Variants in LIMA1 observed in about 807,000 individuals in gnomAD.
LIMA1 encodes LIM domain and actin-binding protein 1.
In LIMA1, 52 loss-of-function variants were observed where a neutral mutation model predicts 62.6. That is an observed-to-expected ratio of 0.83 (90% confidence interval 0.67 to 1.05). LIMA1 has a LOEUF of 1.05. LIMA1 is among the 50% of genes least tolerant of loss of function. LIMA1 has a pLI of 0.00. For synonymous variants in LIMA1, 302 were observed against 317.8 expected (o/e 0.95, Z 0.53); for missense variants, 780 against 902.2 (o/e 0.86, Z 1.74).
intron 6 of LIMA1, among the ~76,000 whole-genome samples, chr12:50,202,676 C>A (rs1245590222): frequency 6.6e-6 from 1 of 152,120 alleles, no homozygotes; most frequent in Non-Finnish European, 1.5e-5. Flanking sequence ...AGTTAAAAAA[C>A]CAAGATGAAA....
At chr12:50,253,184 A>G (rs1050438191) in intron 1 of LIMA1, among the ~76,000 whole-genome samples, 1 of 145,496 alleles carries the variant, frequency 6.9e-6, no homozygotes, top group Non-Finnish European at 1.5e-5. Flanking sequence ...TGATTTACAC[A>G]TGTTGAGACA....
At chr12:50,220,571 G>A (rs1243144096) in intron 4 of LIMA1, 1 of 152,178 alleles carries the variant, frequency 6.6e-6, no homozygotes, top group East Asian at 1.9e-4. Flanking sequence ...AATCTACATT[G>A]TGTGTACTGG....
At chr12:50,194,902 G>T (rs1309013736) in intron 8 of LIMA1, among the ~76,000 whole-genome samples, 5 of 152,066 alleles carry the variant, frequency 3.3e-5, no homozygotes, top group Admixed American at 2.6e-4. Flanking sequence ...CAAAAAATTA[G>T]CCAGGCATGG....
intron 1 of LIMA1, among the ~76,000 whole-genome samples, chr12:50,275,807 T>A (rs989232798): frequency 3.3e-5 from 5 of 152,076 alleles, no homozygotes. Flanking sequence ...TTGTGGGAGA[T>A]AAGCCTAAAA....
At chr12:50,260,612 GCTT>G (rs1942053806) in intron 1 of LIMA1, among the ~76,000 whole-genome samples, 2 of 151,952 alleles carry the variant, frequency 1.3e-5, no homozygotes, top group Admixed American at 6.6e-5. Flanking sequence ...ATGAATTTTT[GCTT>G]CTATCAAATA....
intron 6 of LIMA1, among the ~76,000 whole-genome samples, chr12:50,202,809 G>A (rs1941077896): frequency 6.6e-6 from 1 of 152,046 alleles, no homozygotes; most frequent in South Asian, 2.1e-4. Flanking sequence ...CACCAATTTC[G>A]ATCTGCCTAA....
intron 1 of LIMA1, among the ~76,000 whole-genome samples, chr12:50,249,450 G>A (rs1049531548): frequency 6.6e-6 from 1 of 152,054 alleles, no homozygotes; most frequent in Non-Finnish European, 1.5e-5. Flanking sequence ...AGTATTAAGA[G>A]CATTTTAAGT....
At position 50,177,468 on chromosome 12, in the gene LIMA1, CAG is replaced by C. The variant is rs746330915; in HGVS notation, c.1874_1875del (p.Ser625CysfsTer18). On this transcript the variant is annotated frameshift_variant, in exon 11 of 11. Coordinates refer to ENST00000341247, the MANE Select transcript of LIMA1 (RefSeq NM_016357.5). LOFTEE classifies it low-confidence loss of function (END_TRUNC). ...TTCCTTTCTGCAACTCTTCCACCCACAGACTCTTCACTCTGCTCTGACATGCT... is the reference window on the plus strand; with the variant it reads ...TTCCTTTCTGCAACTCTTCCACCCACACTCTTCACTCTGCTCTGACATGCT... ...GWSMSEQSEE[S>X]VGGRVAERKQ... is the part of the protein sequence containing the mutation. 1.9e-6 allele frequency: 3 copies of C among 1,613,978 alleles called. No individual in the cohort carries two copies. Among genetic ancestry groups the C allele is most frequent in the African/African-American group, 2.7e-5 (2 of 74,918 alleles).
At chr12:50,197,692 A>G (rs1940961194) in intron 7 of LIMA1, among the ~76,000 whole-genome samples, 1 of 152,228 alleles carries the variant, frequency 6.6e-6, no homozygotes, top group Admixed American at 6.5e-5. Context: ...ACATGAATTT[A>G]GATACAGGGA....
intron 2 of LIMA1, among the ~76,000 whole-genome samples, chr12:50,241,887 C>A (rs1941780268): frequency 7.9e-6 from 1 of 127,198 alleles, no homozygotes; most frequent in Non-Finnish European, 1.6e-5. Flanking sequence ...AAAACATTTA[C>A]AATAAAATTT....
Position 50,177,049 on chromosome 12 carries a change from C to A in LIMA1, c.*15G>T. The stretch of plus-strand genomic sequence containing the variant: ...ACACTAACATGAATTTAAGGCCCAG[C>A]ATCATTGCAATTTGTCACTCTTCAT... On this transcript the variant is annotated 3_prime_UTR_variant, in exon 11 of 11. Transcript: ENST00000341247. 9 of 1,532,694 alleles carry A rather than the reference C, an allele frequency of 5.9e-6. No individual in the cohort carries two copies. Among genetic ancestry groups the A allele is most frequent in the Non-Finnish European group, 7.9e-6 (9 of 1,141,812 alleles). 94.9% of individuals were successfully genotyped at this position (1,532,694 alleles called of 1,614,324 possible).
chr12:50,222,386 A>AG lies in LIMA1; in HGVS notation c.264dup (p.Ser89LeufsTer8). 6.2e-7 allele frequency: 1 copy of AG among 1,614,120 alleles called. No homozygotes were observed. The highest frequency in any genetic ancestry group is 8.5e-7 in the Non-Finnish European group (1 of 1,180,016). On this transcript the variant is annotated frameshift_variant, in exon 4 of 11. Transcript: ENST00000341247. LOFTEE classifies it high-confidence loss of function. ...ATCTCAGTGCTGCTGTTCCGTAGAG[A>AG]GTCTGTGTGAGACTCTGCTCCCAGC... is the stretch of plus-strand genomic sequence containing the variant.
rs919418428 is a variant in LIMA1, at chr12:50,252,133, C to T, written c.-23-3359G>A. On this transcript the variant is annotated intron_variant, in intron 1 of 10. Coordinates refer to ENST00000341247, the MANE Select transcript of LIMA1 (RefSeq NM_016357.5). ...AGGAATACAAGACCTGATTTTCTGG[C>T]TTTGTGAGAGGGAAAGGAAAAGATA... Among the ~76,000 whole-genome samples the T allele has an allele frequency of 2.6e-5, 4 of 151,994 alleles. 1 individual carries two copies. The highest frequency in any genetic ancestry group is 2.0e-4 in the Admixed American group (3 of 15,246).
At chr12:50,226,273 C>G (rs1449660528) in intron 3 of LIMA1, among the ~76,000 whole-genome samples, 4 of 152,194 alleles carry the variant, frequency 2.6e-5, no homozygotes, top group African/African-American at 9.6e-5. Context: ...AACTCCCAGG[C>G]TCAAGTGATC....
At chr12:50,182,590 C>T (rs1054692341) in intron 9 of LIMA1, among the ~76,000 whole-genome samples, 1 of 152,114 alleles carries the variant, frequency 6.6e-6, no homozygotes, top group African/African-American at 2.4e-5. Context: ...TTAAACAAGT[C>T]AAAACTGACA....
At chr12:50,193,631 C>A (rs866311563) in intron 8 of LIMA1, among the ~76,000 whole-genome samples, 1 of 86,032 alleles carries the variant, frequency 1.2e-5, no homozygotes, top group Non-Finnish European at 2.1e-5. Flanking sequence ...CATATATATA[C>A]GTGTGTGTGT....
chr12:50,247,217 ATTGCCC>A (rs1188771992), intron 2 of LIMA1, among the ~76,000 whole-genome samples: 1 of 152,056 alleles, frequency 6.6e-6, no homozygotes, highest in African/African-American at 2.4e-5. Flanking sequence ...GTGGAGTCAA[ATTGCCC>A]TTCCCCGAAA....
At chr12:50,260,368 C>T (rs1401536566) in intron 1 of LIMA1, among the ~76,000 whole-genome samples, 8 of 152,058 alleles carry the variant, frequency 5.3e-5, no homozygotes, top group African/African-American at 1.9e-4. Flanking sequence ...AGGCTGGTCT[C>T]GAACTCCTGA....
chr12:50,196,750 G>T (rs1940938466), intron 7 of LIMA1, among the ~76,000 whole-genome samples: 1 of 152,156 alleles, frequency 6.6e-6, no homozygotes, highest in African/African-American at 2.4e-5. Flanking sequence ...TTACAATGAA[G>T]ATTAAGCTGC....
Sources: gnomAD v4.1 joint callset for allele counts (sites outside exome capture counted in the v4.1 genomes callset) on GRCh38, gnomAD v4.1.1 for gene constraint, MANE v1.5 for transcripts, NCBI Gene and HGNC (gene_info 2026-07-23, HGNC 2026-07-21) for gene names.